Variants in FSAF1 observed in about 807,000 individuals in gnomAD.
FSAF1 encodes the protein 40S small subunit processome assembly factor 1, also known as uncharacterized protein C1orf131.
chr1:231,230,589 C>T, the FSAF1 span, among the ~76,000 whole-genome samples: 1 of 152,222 alleles, frequency 6.6e-6, no homozygotes, highest in Non-Finnish European at 1.5e-5. Flanking sequence ...CACCCTGCAA[C>T]TACACAGTCC....
chr1:231,231,391 C>A, the FSAF1 span, among the ~76,000 whole-genome samples: 1 of 152,194 alleles, frequency 6.6e-6, no homozygotes, highest in Non-Finnish European at 1.5e-5. Flanking sequence ...TCCCAGATCT[C>A]CAAGATCCCC....
the FSAF1 span, chr1:231,226,998 T>A: frequency 6.2e-7 from 1 of 1,614,196 alleles, no homozygotes; most frequent in Non-Finnish European, 8.5e-7. Context: ...AATGGCACGT[T>A]CCTGTTCCAG....
chr1:231,238,655 G>T, the FSAF1 span: 4 of 504,672 alleles, frequency 7.9e-6, no homozygotes, highest in Admixed American at 1.0e-4. Context: ...TGGAGGTCTA[G>T]AACTTGAATA....
At chr1:231,235,079 C>T in the FSAF1 span, among the ~76,000 whole-genome samples, 1 of 152,228 alleles carries the variant, frequency 6.6e-6, no homozygotes, top group Non-Finnish European at 1.5e-5. Context: ...GCACTATTAT[C>T]TTCTTCACTG....
the FSAF1 span, among the ~76,000 whole-genome samples, chr1:231,231,991 T>C: frequency 6.6e-6 from 1 of 152,208 alleles, no homozygotes; most frequent in Non-Finnish European, 1.5e-5. Context: ...TGATGGCTTT[T>C]TGAGAAAGGG....
the FSAF1 span, among the ~76,000 whole-genome samples, chr1:231,231,413 C>T: frequency 6.6e-6 from 1 of 152,192 alleles, no homozygotes; most frequent in African/African-American, 2.4e-5. Context: ...AAGATATTTA[C>T]CGCCTTTTCT....
At chr1:231,226,687 G>A in the FSAF1 span, 4 of 1,484,664 alleles carry the variant, frequency 2.7e-6, no homozygotes, top group Admixed American at 1.7e-5. Flanking sequence ...CTGTGGCAAA[G>A]AGCATCCATC....
At chr1:231,228,540 A>C in the FSAF1 span, among the ~76,000 whole-genome samples, 3 of 150,120 alleles carry the variant, frequency 2.0e-5, no homozygotes, top group Non-Finnish European at 4.4e-5. Flanking sequence ...TGGAGGCTGC[A>C]GTGAGCCAAG....
At chr1:231,240,533 T>G in the FSAF1 span, among the ~76,000 whole-genome samples, 2 of 151,572 alleles carry the variant, frequency 1.3e-5, no homozygotes, top group African/African-American at 4.8e-5. The surrounding 1 kb of genome is among the most constrained non-coding windows in gnomAD (Gnocchi z 4.1). Context: ...AGCGCACTTG[T>G]TTAAAAAAAA....
At chr1:231,226,550 G>C in the FSAF1 span, 9 of 620,062 alleles carry the variant, frequency 1.5e-5, no homozygotes, top group African/African-American at 1.7e-4. Flanking sequence ...AGCAAATCTT[G>C]CATGTAAGTA....
the FSAF1 span, among the ~76,000 whole-genome samples, chr1:231,232,441 A>T: frequency 1.3e-5 from 2 of 152,034 alleles, no homozygotes; most frequent in South Asian, 4.2e-4. Context: ...AAAGCAACTA[A>T]CCACCCTCCA....
chr1:231,239,220 T>C, the FSAF1 span: 11 of 1,503,272 alleles, frequency 7.3e-6, no homozygotes, highest in Non-Finnish European at 8.9e-6. Flanking sequence ...GGAAAATAAA[T>C]ATTTTCAGTC....
At chr1:231,224,541 C>G in the FSAF1 span, 3 of 861,470 alleles carry the variant, frequency 3.5e-6, no homozygotes, top group Non-Finnish European at 5.2e-6. Context: ...ACACCCCCCA[C>G]CCCATACGCC....
chr1:231,231,254 C>T, the FSAF1 span, among the ~76,000 whole-genome samples: 1 of 152,208 alleles, frequency 6.6e-6, no homozygotes, highest in South Asian at 2.1e-4. Context: ...TATTCCTATT[C>T]TATGACTGGA....
chr1:231,239,117 C>G, the FSAF1 span: 1 of 1,612,128 alleles, frequency 6.2e-7, no homozygotes, highest in South Asian at 1.1e-5. Context: ...GCCGCTGAAG[C>G]CATCACATCT....
the FSAF1 span, among the ~76,000 whole-genome samples, chr1:231,235,288 C>T: frequency 6.6e-6 from 1 of 152,216 alleles, no homozygotes; most frequent in East Asian, 1.9e-4. Context: ...ATCACGAGGT[C>T]AAGATCGAGA....
chr1:231,241,155 A>C, the FSAF1 span: 12 of 1,602,104 alleles, frequency 7.5e-6, no homozygotes, highest in Non-Finnish European at 1.0e-5. Flanking sequence ...GCCGCGCTGC[A>C]CCCCCGCTTC....
chr1:231,227,131 C>T, the FSAF1 span: 1 of 1,514,202 alleles, frequency 6.6e-7, no homozygotes, highest in Non-Finnish European at 9.2e-7. Context: ...AAAAAACATA[C>T]TGCCAGAAGT....
At chr1:231,227,000 C>G in the FSAF1 span, 1 of 1,614,200 alleles carries the variant, frequency 6.2e-7, no homozygotes, top group Admixed American at 1.7e-5. Context: ...TGGCACGTTC[C>G]TGTTCCAGGA....
Sources: gnomAD v4.1 joint callset for allele counts (sites outside exome capture counted in the v4.1 genomes callset) on GRCh38, gnomAD v4.1.1 for gene constraint, Gnocchi (gnomAD v3.1) non-coding constraint, MANE v1.5 for transcripts, NCBI Gene and HGNC (gene_info 2026-07-23, HGNC 2026-07-21) for gene names.